ZFHX3: variants seen among roughly 807,000 people sequenced by gnomAD.
ZFHX3 encodes the protein zinc finger homeobox 3.
In ZFHX3, 42 loss-of-function variants were observed where a neutral mutation model predicts 279.1. That is an observed-to-expected ratio of 0.15 (90% CI 0.12 to 0.19). ZFHX3 has a LOEUF of 0.19. ZFHX3 is among the 10% of genes least tolerant of loss of function. The pLI is 1.00. For synonymous variants in ZFHX3, 2,293 were observed against 1,957.8 expected (o/e 1.17, Z -4.52); for missense variants, 4,981 against 4,754.0 (o/e 1.05, Z -1.40).
intron 4 of ZFHX3, among the ~76,000 whole-genome samples, chr16:73,270,257 C>T (rs1351929665): frequency 1.3e-5 from 2 of 152,180 alleles, no homozygotes; most frequent in African/African-American, 2.4e-5. Flanking sequence ...TAAAAAATCA[C>T]TTTAAATCTA....
At chr16:72,916,578 G>A (rs774148819) in intron 3 of ZFHX3, among the ~76,000 whole-genome samples, 1 of 152,180 alleles carries the variant, frequency 6.6e-6, no homozygotes, top group East Asian at 1.9e-4. Context: ...ATTGACTAAC[G>A]AGGATTATTA....
chr16:73,398,432 A>G (rs1289969919), intron 3 of ZFHX3, among the ~76,000 whole-genome samples: 1 of 152,218 alleles, frequency 6.6e-6, no homozygotes, highest in African/African-American at 2.4e-5. Context: ...GGTAATTCCA[A>G]CTGGCACCAT....
chr16:73,525,730 G>A (rs187347329), intron 2 of ZFHX3, among the ~76,000 whole-genome samples: 5 of 152,288 alleles, frequency 3.3e-5, no homozygotes, highest in Admixed American at 3.3e-4. Context: ...CTCCTAGAGA[G>A]ACCAAGGAAG....
At chr16:73,419,243 T>C (rs538741067) in intron 3 of ZFHX3, among the ~76,000 whole-genome samples, 1 of 152,370 alleles carries the variant, frequency 6.6e-6, no homozygotes, top group African/African-American at 2.4e-5. Flanking sequence ...AAGTGCGCCA[T>C]AGACACTGTC....
intron 2 of ZFHX3, among the ~76,000 whole-genome samples, chr16:73,644,976 T>C (rs911183493): frequency 7.2e-5 from 11 of 152,130 alleles, no homozygotes; most frequent in African/African-American, 2.7e-4. Context: ...AATGCATTGA[T>C]GAGGAAATAG....
intron 2 of ZFHX3, among the ~76,000 whole-genome samples, chr16:73,571,043 C>G (rs1183540541): frequency 6.7e-6 from 1 of 148,936 alleles, no homozygotes; most frequent in Non-Finnish European, 1.5e-5. Flanking sequence ...TATAGCTTTT[C>G]TATAGTTAAA....
chr16:72,830,396 C>A (rs551598652), intron 4 of ZFHX3, among the ~76,000 whole-genome samples: 1 of 152,310 alleles, frequency 6.6e-6, no homozygotes, highest in South Asian at 2.1e-4. Flanking sequence ...CGAAGAGTCA[C>A]AGAATATCAG....
intron 2 of ZFHX3, among the ~76,000 whole-genome samples, chr16:73,532,620 A>G (rs1239799355): frequency 1.3e-5 from 2 of 152,174 alleles, no homozygotes; most frequent in Non-Finnish European, 1.5e-5. Context: ...CTCCCCACTT[A>G]CTAGGAGTGT....
chr16:73,745,006 G>T (rs1668283211), intron 1 of ZFHX3, among the ~76,000 whole-genome samples: 1 of 152,140 alleles, frequency 6.6e-6, no homozygotes. Flanking sequence ...AGTAATTCCT[G>T]TAAAAGGTCA....
At chr16:73,836,961 G>T (rs988878267) in intron 1 of ZFHX3, among the ~76,000 whole-genome samples, 1 of 152,184 alleles carries the variant, frequency 6.6e-6, no homozygotes, top group African/African-American at 2.4e-5. Context: ...ATGTTATAAC[G>T]TGCAGCATGA....
At chr16:72,930,680 C>T (rs1197765834) in intron 3 of ZFHX3, among the ~76,000 whole-genome samples, 1 of 152,078 alleles carries the variant, frequency 6.6e-6, no homozygotes, top group Admixed American at 6.6e-5. Flanking sequence ...AATAACAGAT[C>T]AGAACTGATA....
intron 1 of ZFHX3, among the ~76,000 whole-genome samples, chr16:73,784,522 G>T (rs537296073): frequency 1.1e-4 from 16 of 152,020 alleles, no homozygotes; most frequent in Admixed American, 3.3e-4. Context: ...GCCAAAGCAG[G>T]CAGATCATGA....
At chr16:73,705,921 T>G (rs965633537) in intron 1 of ZFHX3, among the ~76,000 whole-genome samples, 1 of 152,116 alleles carries the variant, frequency 6.6e-6, no homozygotes, top group Non-Finnish European at 1.5e-5. Flanking sequence ...ATGGTCCGAC[T>G]CTTGTTATAC....
chr16:73,675,720 A>T (rs924119975), intron 2 of ZFHX3, among the ~76,000 whole-genome samples: 1 of 152,164 alleles, frequency 6.6e-6, no homozygotes, highest in Non-Finnish European at 1.5e-5. Context: ...GACCATTATC[A>T]AGGCAAACTC....
intron 2 of ZFHX3, among the ~76,000 whole-genome samples, chr16:73,506,092 A>T (rs575827304): frequency 4.6e-5 from 7 of 152,326 alleles, no homozygotes; most frequent in African/African-American, 1.7e-4. Context: ...TTTTGCAGAC[A>T]AAGATAATAG....
At chr16:73,353,613 A>G (rs1198751605) in intron 3 of ZFHX3, among the ~76,000 whole-genome samples, 1 of 152,172 alleles carries the variant, frequency 6.6e-6, no homozygotes, top group Non-Finnish European at 1.5e-5. Context: ...GGGACTTTGA[A>G]CCAGCTCATG....
At chr16:73,539,547 C>T (rs889620430) in intron 2 of ZFHX3, among the ~76,000 whole-genome samples, 3 of 138,976 alleles carry the variant, frequency 2.2e-5, no homozygotes, top group Non-Finnish European at 4.6e-5. Context: ...TTCTTTAAAT[C>T]TGTAAACCAC....
At chr16:73,764,959 G>A (rs898749362) in intron 1 of ZFHX3, among the ~76,000 whole-genome samples, 31 of 152,250 alleles carry the variant, frequency 2.0e-4, no homozygotes, top group African/African-American at 7.0e-4. Context: ...TTATCTCAAC[G>A]CCTGGATCAG....
At chr16:73,227,883 G>T (rs78635421) in intron 5 of ZFHX3, among the ~76,000 whole-genome samples, 3,319 of 133,394 alleles carry the variant, frequency 0.025, 142 homozygotes, top group African/African-American at 0.093. Context: ...AGACATCGAA[G>T]CTGAAACAAC....
Sources: allele counts gnomAD v4.1 joint callset (sites outside exome capture counted in the v4.1 genomes callset), GRCh38; gene constraint gnomAD v4.1.1; transcripts MANE v1.5; gene names NCBI Gene and HGNC (gene_info 2026-07-23, HGNC 2026-07-21).